The following SNAP25 variants were observed in gnomAD, a reference collection of about 807,000 sequenced individuals.
The protein encoded by SNAP25 is synaptosome associated protein 25, also known as synaptosomal-associated protein 25.
A neutral mutation model predicts 28.7 loss-of-function variants in SNAP25; 3 were observed. The ratio of observed to expected loss-of-function variants is 0.10; its 90% CI spans 0.05 to 0.27. The LOEUF is 0.27. SNAP25 is among the 10% of genes least tolerant of loss of function. SNAP25 has a pLI of 1.00. For missense variants in SNAP25, 117 were observed against 278.7 expected (o/e 0.42, Z 4.13); for synonymous variants, 61 against 88.1 (o/e 0.69, Z 1.72).
chr20:10,295,458 G>A (rs757678684), intron 5 of SNAP25, among the ~76,000 whole-genome samples: 6 of 152,150 alleles, frequency 3.9e-5, no homozygotes, highest in South Asian at 2.1e-4. Context: ...TGGGGATCTC[G>A]TTTCATTGAA....
At chr20:10,279,900 A>G (rs1044213045) in intron 3 of SNAP25, among the ~76,000 whole-genome samples, 1 of 152,202 alleles carries the variant, frequency 6.6e-6, no homozygotes, top group African/African-American at 2.4e-5. Flanking sequence ...TTTTCTATTT[A>G]TGGTCAAACA....
chr20:10,237,517 C>T (rs1281486817), intron 1 of SNAP25, among the ~76,000 whole-genome samples: 1 of 152,192 alleles, frequency 6.6e-6, no homozygotes. Flanking sequence ...CAACTGTTAT[C>T]ACCAGACACC....
chr20:10,277,774 G>A, intron 3 of SNAP25, 48 bp downstream of exon 3: 3 of 1,518,608 alleles, frequency 2.0e-6, no homozygotes, highest in Non-Finnish European at 2.7e-6. Flanking sequence ...CCCTTATGCT[G>A]ATACATCCTT....
chr20:10,225,382 C>A (rs939662808), intron 1 of SNAP25, among the ~76,000 whole-genome samples: 2 of 152,072 alleles, frequency 1.3e-5, no homozygotes, highest in Non-Finnish European at 1.5e-5. Flanking sequence ...GACTGACTTA[C>A]TGGTAAGAAC....
At chr20:10,275,776 C>T (rs1389614586) in intron 2 of SNAP25, among the ~76,000 whole-genome samples, 1 of 152,196 alleles carries the variant, frequency 6.6e-6, no homozygotes, top group African/African-American at 2.4e-5. Context: ...GGCCCTAACT[C>T]TCAATTTCCA....
chr20:10,272,722 C>G (rs925283025), intron 1 of SNAP25, among the ~76,000 whole-genome samples: 1 of 152,184 alleles, frequency 6.6e-6, no homozygotes, highest in Non-Finnish European at 1.5e-5. Flanking sequence ...GTAAGATGCT[C>G]TGTCAGTTAT....
chr20:10,257,712 A>AAAAAC (rs1326125430), intron 1 of SNAP25, among the ~76,000 whole-genome samples: 8 of 150,892 alleles, frequency 5.3e-5, no homozygotes, highest in Non-Finnish European at 8.8e-5. Flanking sequence ...ACTCCGTCTC[A>AAAAAC]AAAACAAAAC....
At position 10,273,554 on chromosome 20, in the gene SNAP25, C is replaced by T. The variant is rs190429033; in HGVS notation, c.-63-1875C>T. On this transcript the variant is annotated intron_variant, in intron 1 of 7. Transcript: ENST00000254976. ...CTCATGGTCTCATGGCTTAACCATCCTTTAAGACTGTATTTCTGGCAGAAG... is the reference window on the plus strand; with the variant it reads ...CTCATGGTCTCATGGCTTAACCATCTTTTAAGACTGTATTTCTGGCAGAAG... Among the ~76,000 whole-genome samples, 72 of 152,250 alleles carry T rather than the reference C, an allele frequency of 4.7e-4. 1 individual carries two copies. Among genetic ancestry groups the T allele is most frequent in the Non-Finnish European group, 1.2e-4 (8 of 68,022 alleles).
chr20:10,222,512 G>A (rs1341816609), intron 1 of SNAP25, among the ~76,000 whole-genome samples: 2 of 152,140 alleles, frequency 1.3e-5, no homozygotes, highest in Non-Finnish European at 2.9e-5. Context: ...CATTGATTTG[G>A]GTGGAGTGGG....
In SNAP25 at chr20:10,307,205, T is replaced by G. The variant is rs950311352; in HGVS notation, c.*1008T>G. 6.6e-6 allele frequency: 1 copy of G among 152,628 alleles called. No homozygotes were observed. The highest frequency in any genetic ancestry group is 1.5e-5 in the Non-Finnish European group (1 of 68,040). The allele number at this position is 152,628 out of a possible 1,614,324, so 9.5% of individuals were successfully genotyped here. On this transcript the variant is annotated 3_prime_UTR_variant, in exon 8 of 8. Coordinates refer to ENST00000254976, the MANE Select transcript of SNAP25 (RefSeq NM_130811.4). Reference sequence around the variant, plus strand: ...GTTTGTTATCAGTACAATTCTTTGTTGCTTAATCTAGAGCTATGCACACCA... The same window carrying G: ...GTTTGTTATCAGTACAATTCTTTGTGGCTTAATCTAGAGCTATGCACACCA...
chr20:10,287,195 A>G (rs1046565753), intron 4 of SNAP25, among the ~76,000 whole-genome samples: 1 of 152,132 alleles, frequency 6.6e-6, no homozygotes, highest in African/African-American at 2.4e-5. Context: ...GCACAGCAAA[A>G]GAAACTACCA....
At chr20:10,229,623 A>G (rs1345742227) in intron 1 of SNAP25, among the ~76,000 whole-genome samples, 1 of 152,162 alleles carries the variant, frequency 6.6e-6, no homozygotes. Flanking sequence ...TGCTGGGGAA[A>G]GATTTTGAAA....
At chr20:10,268,744 A>G (rs1166860926) in intron 1 of SNAP25, among the ~76,000 whole-genome samples, 1 of 152,208 alleles carries the variant, frequency 6.6e-6, no homozygotes, top group East Asian at 1.9e-4. Context: ...TTAAGGTTTC[A>G]GATAGACTTA....
intron 1 of SNAP25, among the ~76,000 whole-genome samples, chr20:10,237,728 G>A (rs2327267): frequency 0.17 from 25,852 of 152,054 alleles, 4,267 homozygotes; most frequent in African/African-American, 0.44. Flanking sequence ...TGAGAAAACC[G>A]AGGTACAATG....
chr20:10,268,125 G>A (rs2063535095), intron 1 of SNAP25, among the ~76,000 whole-genome samples: 1 of 152,152 alleles, frequency 6.6e-6, no homozygotes, highest in Non-Finnish European at 1.5e-5. Flanking sequence ...GTAAGTGTTA[G>A]TTAATATGAT....
intron 4 of SNAP25, among the ~76,000 whole-genome samples, chr20:10,285,123 A>T (rs2063850990): frequency 6.6e-6 from 1 of 152,028 alleles, no homozygotes; most frequent in Non-Finnish European, 1.5e-5. Context: ...AATAAATTTG[A>T]TTTTCTTCTA....
At chr20:10,265,056 A>G (rs1339009447) in intron 1 of SNAP25, among the ~76,000 whole-genome samples, 1 of 152,132 alleles carries the variant, frequency 6.6e-6, no homozygotes, top group African/African-American at 2.4e-5. Context: ...TGGGTGTAAA[A>G]TAGATGCAAG....
chr20:10,276,709 G>A (rs2063697640), intron 2 of SNAP25, among the ~76,000 whole-genome samples: 1 of 152,192 alleles, frequency 6.6e-6, no homozygotes, highest in South Asian at 2.1e-4. Context: ...AAAGTTTTCT[G>A]TGAGAATCAA....
intron 1 of SNAP25, among the ~76,000 whole-genome samples, chr20:10,257,486 G>A (rs1455025314): frequency 1.3e-5 from 2 of 152,158 alleles, no homozygotes; most frequent in Non-Finnish European, 2.9e-5. Context: ...GCCGAGGCGG[G>A]CGGATCACCT....
Sources: gnomAD v4.1 joint callset for allele counts (sites outside exome capture counted in the v4.1 genomes callset) on GRCh38, gnomAD v4.1.1 for gene constraint, MANE v1.5 for transcripts, NCBI Gene and HGNC (gene_info 2026-07-23, HGNC 2026-07-21) for gene names.